Variants in OTUD4 observed in about 807,000 individuals in gnomAD.
OTUD4 encodes OTU deubiquitinase 4, also known as OTU domain-containing protein 4.
In OTUD4, 24 loss-of-function variants were observed where a neutral mutation model predicts 130.4. The ratio of observed to expected loss-of-function variants is 0.18; its 90% confidence interval spans 0.13 to 0.26. The LOEUF is 0.26. OTUD4 is among the 10% of genes least tolerant of loss of function. The probability of loss-of-function intolerance (pLI) is 1.00; values close to 1 mark genes in which losing one functional copy is unlikely to be tolerated. For synonymous variants in OTUD4, 420 were observed against 472.5 expected (o/e 0.89, Z 1.44); for missense variants, 1,031 against 1,329.4 (o/e 0.78, Z 3.49).
At chr4:145,151,694 T>C (rs994342564) in intron 11 of OTUD4, among the ~76,000 whole-genome samples, 3 of 152,192 alleles carry the variant, frequency 2.0e-5, no homozygotes, top group East Asian at 1.9e-4. Flanking sequence ...TGTTGAGTTA[T>C]ATTGGGATTC....
At chr4:145,142,003 T>C (rs1465396812) in intron 18 of OTUD4, among the ~76,000 whole-genome samples, 193 bp downstream of exon 18, 2 of 152,194 alleles carry the variant, frequency 1.3e-5, no homozygotes, top group African/African-American at 4.8e-5. Flanking sequence ...TGAGGGCATA[T>C]GTCAGATGAA....
At chr4:145,144,057 CAGA>C in intron 15 of OTUD4, 56 bp from the exon 16 acceptor site, 2 of 1,362,296 alleles carry the variant, frequency 1.5e-6, no homozygotes, top group Admixed American at 1.8e-5. Context: ...TGTCTGAACA[CAGA>C]AGAACAAAAT....
At chr4:145,142,726 G>C (rs36226674) in intron 17 of OTUD4, among the ~76,000 whole-genome samples, 34 of 152,338 alleles carry the variant, frequency 2.2e-4, no homozygotes, top group African/African-American at 8.2e-4. Flanking sequence ...TTTAAGGCAA[G>C]TGAGCAAAAT....
chr4:145,144,567 C>T (rs1342219069), intron 14 of OTUD4, 133 bp from the exon 15 acceptor site: 1 of 791,460 alleles, frequency 1.3e-6, no homozygotes, highest in Non-Finnish European at 2.0e-6. Flanking sequence ...TTAACTGAAA[C>T]TAAAGAAGAT....
intron 7 of OTUD4, among the ~76,000 whole-genome samples, chr4:145,158,268 G>C (rs1258088028): frequency 6.6e-6 from 1 of 152,140 alleles, no homozygotes; most frequent in Non-Finnish European, 1.5e-5. Context: ...TGATCACAAG[G>C]TCAGGAGATC....
chr4:145,143,463 A>G lies in OTUD4; in HGVS notation c.1603-18T>C, dbSNP rs376552738. The G allele has an allele frequency of 1.3e-6, 2 of 1,520,598 alleles. No homozygotes were observed. The highest frequency in any genetic ancestry group is 1.1e-5 in the South Asian group (1 of 87,258). 94.2% of individuals were successfully genotyped at this position (1,520,598 alleles called of 1,614,324 possible). ...GTAATATTCTTTGGAAGCAAAAAAGAAGCAAAGTTTTGTATTTCAGAGACC... is the reference window on the plus strand; with the variant it reads ...GTAATATTCTTTGGAAGCAAAAAAGGAGCAAAGTTTTGTATTTCAGAGACC... On this transcript the variant is annotated intron_variant, in intron 16 of 20. Transcript: ENST00000447906.
chr4:145,174,889 C>T (rs182041018), intron 1 of OTUD4, 145 bp from the exon 2 acceptor site: 3 of 600,996 alleles, frequency 5.0e-6, no homozygotes, highest in Non-Finnish European at 9.1e-6. Flanking sequence ...GATATCTTTA[C>T]TCATTCCTAC....
At chr4:145,150,386 CTT>C in intron 13 of OTUD4, 125 bp downstream of exon 13, 1 of 588,818 alleles carries the variant, frequency 1.7e-6, no homozygotes, top group East Asian at 2.7e-5. Context: ...ACAAAATGCT[CTT>C]AATACTAATA....
chr4:145,171,712 T>A lies in OTUD4; in HGVS notation c.252A>T (p.Glu84Asp). 1 of 1,339,418 alleles carries A rather than the reference T, an allele frequency of 7.5e-7. No homozygotes were observed. Among genetic ancestry groups the A allele is most frequent in the Non-Finnish European group, 1.1e-6 (1 of 931,534 alleles). The allele number at this position is 1,339,418 out of a possible 1,614,324, so 83.0% of individuals were successfully genotyped here. A position where few individuals can be genotyped will look rare whatever the true frequency, so the allele number is the denominator to read the frequency against. ...ENREKFEAFIEGSFEEYLKRL... is the reference protein window; with the variant it reads ...ENREKFEAFIDGSFEEYLKRL... ...GCTTTAAATATTCTTCAAATGATCC[T>A]TCTATAAACTGCAAAAAATAAATCT... is the stretch of plus-strand genomic sequence containing the variant. The change falls in exon 3 of 21, where the codon GAA becomes GAT. Residue 84 changes from glutamate to aspartate, a missense_variant. Transcript: ENST00000447906.
intron 1 of OTUD4, among the ~76,000 whole-genome samples, chr4:145,179,344 C>T (rs1752577341): frequency 6.6e-6 from 1 of 152,188 alleles, no homozygotes; most frequent in Non-Finnish European, 1.5e-5. Context: ...AGCTTGCCTA[C>T]CCTACATTCC....
In OTUD4 at chr4:145,143,360, C is replaced by T. The variant is rs773527660; in HGVS notation, c.1683+5G>A. On this transcript the variant is annotated splice_donor_5th_base_variant and intron_variant, in intron 17 of 20. Transcript: ENST00000447906. ...ATTCAATGTTAAATGCAACAATATA[C>T]TTACTTGTTCCGCAGGAGAAGGGCA... 2 of 1,569,456 alleles carry T rather than the reference C, an allele frequency of 1.3e-6. No individual in the cohort carries two copies. The highest frequency in any genetic ancestry group is 1.8e-6 in the Non-Finnish European group (2 of 1,139,900).
chr4:145,171,518 A>G (rs1752164832), intron 3 of OTUD4, 152 bp downstream of exon 3: 1 of 523,140 alleles, frequency 1.9e-6, no homozygotes, highest in Admixed American at 3.7e-5. Context: ...TAAGTGCTGC[A>G]TAAAATGTGT....
chr4:145,158,439 A>G (rs1418660148), intron 7 of OTUD4, among the ~76,000 whole-genome samples: 1 of 151,940 alleles, frequency 6.6e-6, no homozygotes, highest in African/African-American at 2.4e-5. Flanking sequence ...CCGAGATCGC[A>G]CCACTGCACT....
Position 145,137,665 on chromosome 4 carries a change from C to A in OTUD4, c.3110G>T (p.Gly1037Val). The change falls in exon 21 of 21, where the codon GGT (glycine) becomes GTT (valine). Residue 1037 changes from glycine (G) to valine (V), a missense_variant. Around this residue, in one of 3 missense-constraint regions of OTUD4, gnomAD observed 900 missense variants for 1,095.9 expected, o/e 0.82. Coordinates refer to ENST00000447906, the MANE Select transcript of OTUD4 (RefSeq NM_001366057.1). Reference sequence around the variant, plus strand: ...TTGATTATAGAACTGCTTGGATCTACCACTTCTCAAAATATTAGACACTTC... The same window carrying A: ...TTGATTATAGAACTGCTTGGATCTAACACTTCTCAAAATATTAGACACTTC... ...ENEVSNILRS[G>V]RSKQFYNQTY... 6.2e-7 allele frequency: 1 copy of A among 1,613,754 alleles called. No individual in the cohort carries two copies. Among genetic ancestry groups the A allele is most frequent in the South Asian group, 1.1e-5 (1 of 91,074 alleles).
chr4:145,137,819 G>C lies in OTUD4; in HGVS notation c.2956C>G (p.Gln986Glu). ...TTTTCTGTTTTTTCTTTCAGGCTTT[G>C]AATGGTCCTTTTAGGTTCAAGTTCA... is the stretch of plus-strand genomic sequence containing the variant. ...PVELEPKRTIQSLKEKTEKVK... is the reference protein window; with the variant it reads ...PVELEPKRTIESLKEKTEKVK... The change falls in exon 21 of 21, where the codon CAA (glutamine) becomes GAA (glutamate). Residue 986 changes from glutamine (Q) to glutamate (E), a missense_variant. Physicochemically the swap from Gln to Glu is conservative, Grantham distance 29. Around this residue, in one of 3 missense-constraint regions of OTUD4, gnomAD observed 900 missense variants for 1,095.9 expected, o/e 0.82. Coordinates refer to ENST00000447906, the MANE Select transcript of OTUD4 (RefSeq NM_001366057.1). The C allele has an allele frequency of 6.2e-7, 1 of 1,614,048 alleles. No homozygotes were observed. Among genetic ancestry groups the C allele is most frequent in the African/African-American group, 1.3e-5 (1 of 75,016 alleles).
chr4:145,152,447 T>C (rs1156534834), intron 11 of OTUD4, 94 bp downstream of exon 11: 27 of 704,414 alleles, frequency 3.8e-5, no homozygotes, highest in East Asian at 3.5e-4. Context: ...TTATCTTTCA[T>C]TGAATTTGCA....
intron 1 of OTUD4, chr4:145,178,186 C>A (rs1752517004): frequency 6.6e-6 from 1 of 152,210 alleles, no homozygotes; most frequent in African/African-American, 2.4e-5. Context: ...TACTTAAAAA[C>A]AGAGATCCCA....
intron 6 of OTUD4, among the ~76,000 whole-genome samples, chr4:145,161,958 TTCTC>T (rs529413472): frequency 8.7e-4 from 132 of 152,284 alleles, no homozygotes; most frequent in African/African-American, 2.9e-3. Flanking sequence ...TTCCTCCAAT[TTCTC>T]TCTGTTTTGT....
chr4:145,173,974 C>T (rs1752299968), intron 2 of OTUD4, among the ~76,000 whole-genome samples: 1 of 151,882 alleles, frequency 6.6e-6, no homozygotes, highest in East Asian at 1.9e-4. Flanking sequence ...GCATTACTTA[C>T]ACTCAGCGTA....
Sources: allele counts gnomAD v4.1 joint callset (sites outside exome capture counted in the v4.1 genomes callset), GRCh38; gene constraint gnomAD v4.1.1; regional missense constraint gnomAD v4.1.1; transcripts MANE v1.5; gene names NCBI Gene and HGNC (gene_info 2026-07-23, HGNC 2026-07-21).